The following C4orf50 variants were observed in gnomAD, a reference collection of about 807,000 sequenced individuals.
The protein encoded by C4orf50 is chromosome 4 open reading frame 50, also known as uncharacterized protein C4orf50.
A neutral mutation model predicts 77.2 loss-of-function variants in C4orf50; 80 were observed. The ratio of observed to expected loss-of-function variants is 1.04; its 90% CI spans 0.87 to 1.25. The LOEUF (loss-of-function observed/expected upper bound fraction) is 1.25. Ranked by LOEUF, C4orf50 falls within the 50% of genes most tolerant of loss-of-function variation. C4orf50 has a pLI of 0.00. For missense variants in C4orf50, 1,257 were observed against 1,152.9 expected, an observed-to-expected ratio of 1.09 and a Z score of -1.31; for synonymous variants, 532 against 465.3, an observed-to-expected ratio of 1.14 and a Z score of -1.84.
intron 7 of C4orf50, among the ~76,000 whole-genome samples, chr4:5,948,692 G>A (rs777009156): frequency 6.6e-6 from 1 of 152,072 alleles, no homozygotes; most frequent in Non-Finnish European, 1.5e-5. Context: ...CTACTCAGGA[G>A]GCTGAAGTAG....
Position 5,967,479 on chromosome 4 carries a change from C to T in C4orf50, c.4105-17G>A, listed in dbSNP as rs1349196007. 3 of 1,613,162 alleles carry T rather than the reference C, an allele frequency of 1.9e-6. No individual in the cohort carries two copies. The highest frequency in any genetic ancestry group is 1.7e-6 in the Non-Finnish European group (2 of 1,179,170). On this transcript the variant is annotated splice_polypyrimidine_tract_variant and intron_variant, in intron 31 of 33. Coordinates refer to ENST00000531445, the Ensembl canonical transcript of C4orf50. Reference sequence around the variant, plus strand: ...GTGGCTTGTCTGCAAGAAAAGACATCTTGGCGGTTATTCTGCATGGCACTG... The same window carrying T: ...GTGGCTTGTCTGCAAGAAAAGACATTTTGGCGGTTATTCTGCATGGCACTG...
rs144283510 is a variant in C4orf50 at position 5,922,025 on chromosome 4, G to A, written c.*2475-23837C>T. Among the ~76,000 whole-genome samples, 53 of 152,282 alleles carry A rather than the reference G, an allele frequency of 3.5e-4. 1 individual carries two copies. The highest frequency in any genetic ancestry group is 1.2e-3 in the African/African-American group (50 of 41,562). On this transcript the variant is annotated intron_variant, in intron 7 of 7. Coordinates refer to the C4orf50 transcript ENST00000324058. ...ACAGCAGCCCCCTGCTCTGCCCCCA[G>A]TATGCTGGTTTCTGGTCAAGCAGGA... is the stretch of plus-strand genomic sequence containing the variant.
At chr4:5,989,576 T>C (rs1274093401) in exon 28 of C4orf50, 1 of 1,536,146 alleles carries the variant, frequency 6.5e-7, no homozygotes, top group African/African-American at 1.4e-5. Context: ...CAGCCCCTGC[T>C]GCCCGGCTGC....
intron 28 of C4orf50, among the ~76,000 whole-genome samples, chr4:5,981,870 C>G (rs564295232): frequency 6.6e-6 from 1 of 152,116 alleles, no homozygotes; most frequent in Admixed American, 6.5e-5. Context: ...AAGGCAGCTT[C>G]CCTGGGAATT....
chr4:5,925,989 A>G (rs1717495377), intron 7 of C4orf50, among the ~76,000 whole-genome samples: 1 of 152,186 alleles, frequency 6.6e-6, no homozygotes, highest in South Asian at 2.1e-4. Flanking sequence ...TCCTGTGGAG[A>G]TCGGCAGCTG....
At chr4:5,925,326 T>C (rs1358131924) in intron 7 of C4orf50, among the ~76,000 whole-genome samples, 1 of 152,138 alleles carries the variant, frequency 6.6e-6, no homozygotes, top group Non-Finnish European at 1.5e-5. Flanking sequence ...CCCAGGCCGC[T>C]GGATCCCCAA....
chr4:5,926,996 A>T (rs1307270354), intron 7 of C4orf50, among the ~76,000 whole-genome samples: 3 of 152,232 alleles, frequency 2.0e-5, no homozygotes, highest in African/African-American at 7.2e-5. Context: ...AGGGGAAGAC[A>T]GACAGGGAGT....
At chr4:5,983,495 T>C (rs1261058890) in intron 28 of C4orf50, among the ~76,000 whole-genome samples, 1 of 152,194 alleles carries the variant, frequency 6.6e-6, no homozygotes, top group African/African-American at 2.4e-5. Context: ...GCTGCTCTTT[T>C]CTAACCTTCG....
intron 25 of C4orf50, among the ~76,000 whole-genome samples, chr4:6,004,136 G>T (rs1722054874): frequency 8.9e-6 from 1 of 112,062 alleles, no homozygotes; most frequent in East Asian, 2.4e-4. Flanking sequence ...TGATGATGGT[G>T]ATGGTGATGA....
At chr4:5,964,551 T>C (rs549572616) in intron 33 of C4orf50, among the ~76,000 whole-genome samples, 67 of 152,018 alleles carry the variant, frequency 4.4e-4, no homozygotes, top group African/African-American at 1.5e-3. Context: ...GGGTGGATCA[T>C]GAGGTCAGGA....
intron 31 of C4orf50, among the ~76,000 whole-genome samples, chr4:5,969,792 A>T (rs1212631957): frequency 1.3e-5 from 2 of 152,162 alleles, no homozygotes; most frequent in Non-Finnish European, 2.9e-5. Context: ...ATGGGTCATT[A>T]TTTAGAATCA....
At chr4:5,935,641 C>G (rs1012992571) in intron 7 of C4orf50, among the ~76,000 whole-genome samples, 12 of 151,882 alleles carry the variant, frequency 7.9e-5, no homozygotes, top group African/African-American at 2.9e-4. Flanking sequence ...CAAAAATTAG[C>G]TGGGTGTGGT....
At chr4:5,989,032 T>C in exon 28 of C4orf50, 4 of 1,536,076 alleles carry the variant, frequency 2.6e-6, no homozygotes, top group Non-Finnish European at 1.7e-6. Context: ...CCCATTGCAG[T>C]CTTCAAGGTC....
In C4orf50 at chr4:5,916,652, C is replaced by G. The variant is rs1717039929; in HGVS notation, c.*2475-18464G>C. Among the ~76,000 whole-genome samples, 2 of 152,016 alleles carry G rather than the reference C, an allele frequency of 1.3e-5. No homozygotes were observed. The highest frequency in any genetic ancestry group is 4.8e-5 in the African/African-American group (2 of 41,386). On this transcript the variant is annotated intron_variant, in intron 7 of 7. Transcript: ENST00000324058. This position sits in a 1 kb window ranked among gnomAD's most constrained non-coding sequence, Gnocchi z 4.4. ...CAGGTGGTTTATTTGGGGGGAGATC[C>G]CAGAAGTAGGAGTGAGGGAGCAGGG...
intron 7 of C4orf50, among the ~76,000 whole-genome samples, chr4:5,928,300 C>G (rs1717607408): frequency 6.6e-6 from 1 of 152,044 alleles, no homozygotes. Context: ...AAGGCAAAAA[C>G]TGTAAGCAAA....
chr4:5,904,122 A>G lies in C4orf50; in HGVS notation c.*2475-5934T>C, dbSNP rs1474128918. The G allele has an allele frequency of 2.0e-5, 3 of 152,182 alleles. No homozygotes were observed. In the East Asian group the frequency reaches 5.8e-4, roughly 29 times the overall value. 9.4% of individuals were successfully genotyped at this position (152,182 alleles called of 1,614,324 possible). ...GTCTCACAGCAGCCAGGGCAAGAAAACATGTGGCTCACTGACGTTTCCCCG... is the reference window on the plus strand; with the variant it reads ...GTCTCACAGCAGCCAGGGCAAGAAAGCATGTGGCTCACTGACGTTTCCCCG... On this transcript the variant is annotated intron_variant, in intron 7 of 7. Coordinates refer to the C4orf50 transcript ENST00000324058.
chr4:5,974,619 C>G (rs1720147745), intron 30 of C4orf50, among the ~76,000 whole-genome samples: 1 of 152,096 alleles, frequency 6.6e-6, no homozygotes, highest in African/African-American at 2.4e-5. Context: ...GATGCCCAGC[C>G]CAGGGCACCT....
intron 7 of C4orf50, among the ~76,000 whole-genome samples, chr4:5,921,858 G>T (rs1416330472): frequency 6.6e-6 from 1 of 152,198 alleles, no homozygotes; most frequent in Non-Finnish European, 1.5e-5. Flanking sequence ...AATGGGGCCA[G>T]GGAAAGCTGT....
chr4:6,002,984 C>G (rs1721898604), intron 25 of C4orf50, among the ~76,000 whole-genome samples: 1 of 152,206 alleles, frequency 6.6e-6, no homozygotes, highest in Non-Finnish European at 1.5e-5. Context: ...TGAAAGCCAG[C>G]CCCTTCCCCT....
Sources: allele counts gnomAD v4.1 joint callset (sites outside exome capture counted in the v4.1 genomes callset), GRCh38; gene constraint gnomAD v4.1.1; non-coding constraint Gnocchi (gnomAD v3.1); transcripts MANE v1.5; gene names NCBI Gene and HGNC (gene_info 2026-07-23, HGNC 2026-07-21).